The following RAB8B variants were observed in gnomAD, a reference collection of about 807,000 sequenced individuals.
The protein encoded by RAB8B is RAB8B, member RAS oncogene family.
Under a neutral mutation model 32.0 loss-of-function variants are expected in RAB8B, and 11 were observed. That is an observed-to-expected ratio of 0.34 (90% CI 0.22 to 0.57). The LOEUF (loss-of-function observed/expected upper bound fraction) is 0.57, where lower values mean the gene tolerates loss of function less well. Ranked by LOEUF, RAB8B falls within the 20% of genes least tolerant of loss-of-function variation. The pLI, the probability that RAB8B is intolerant of heterozygous loss-of-function variation, is 0.86. For synonymous variants in RAB8B, 103 were observed against 89.6 expected (o/e 1.15, Z -0.85); for missense variants, 190 against 258.5 (o/e 0.73, Z 1.82).
At chr15:63,243,090 T>A (rs1225165745) in intron 1 of RAB8B, among the ~76,000 whole-genome samples, 1 of 152,068 alleles carries the variant, frequency 6.6e-6, no homozygotes, top group Non-Finnish European at 1.5e-5. Flanking sequence ...CTCATAGGAG[T>A]GCACAACCTA....
At chr15:63,204,301 C>G (rs1450522192) in intron 1 of RAB8B, among the ~76,000 whole-genome samples, 1 of 152,146 alleles carries the variant, frequency 6.6e-6, no homozygotes, top group African/African-American at 2.4e-5. Flanking sequence ...TGATTATCCC[C>G]TACATCAGCG....
chr15:63,253,865 T>A (rs2038137935), intron 3 of RAB8B, among the ~76,000 whole-genome samples: 1 of 152,192 alleles, frequency 6.6e-6, no homozygotes, highest in Non-Finnish European at 1.5e-5. Context: ...GTGCTTGGGC[T>A]GGCTGACTGG....
At chr15:63,191,192 A>G (rs1359704123) in intron 1 of RAB8B, among the ~76,000 whole-genome samples, 1 of 152,242 alleles carries the variant, frequency 6.6e-6, no homozygotes, top group African/African-American at 2.4e-5. Context: ...TGGTTCTTAC[A>G]GCATATTTCA....
Position 63,259,610 on chromosome 15 carries a change from T to C in RAB8B, c.415-17T>C, listed in dbSNP as rs1185295757. On this transcript the variant is annotated splice_polypyrimidine_tract_variant and intron_variant, in intron 5 of 7. Coordinates refer to ENST00000321437, the MANE Select transcript of RAB8B (RefSeq NM_016530.3). This position sits in a 1 kb window ranked among gnomAD's most constrained non-coding sequence, Gnocchi z 4.4. ...AGTATCTTTTGCTAAATTTAAATAT[T>C]TCTGTTTACTTTTCAGCTAGCAATT... is the stretch of plus-strand genomic sequence containing the variant. The C allele has an allele frequency of 1.2e-6, 2 of 1,606,310 alleles. No homozygotes were observed. Among genetic ancestry groups the C allele is most frequent in the Admixed American group, 3.3e-5 (2 of 59,980 alleles).
Position 63,263,764 on chromosome 15 carries a change from G to T in RAB8B, c.*145G>T. ...TAGACCTCTCAACACAGTATGCCAA[G>T]TGGATTCCAGCCTCATGGCCTAGCA... On this transcript the variant is annotated 3_prime_UTR_variant, in exon 8 of 8. Coordinates refer to ENST00000321437, the MANE Select transcript of RAB8B (RefSeq NM_016530.3). The T allele has an allele frequency of 1.8e-6, 1 of 566,414 alleles. No homozygotes were observed. 35.1% of individuals were successfully genotyped at this position (566,414 alleles called of 1,614,324 possible). A position where few individuals can be genotyped will look rare whatever the true frequency, so the allele number is the denominator to read the frequency against.
At chr15:63,236,642 G>T (rs1436504158) in intron 1 of RAB8B, among the ~76,000 whole-genome samples, 1 of 152,144 alleles carries the variant, frequency 6.6e-6, no homozygotes, top group Non-Finnish European at 1.5e-5. Flanking sequence ...CATAGTAGAT[G>T]TATATATTTA....
At chr15:63,251,102 C>T (rs2038113691) in intron 3 of RAB8B, among the ~76,000 whole-genome samples, 1 of 151,892 alleles carries the variant, frequency 6.6e-6, no homozygotes, top group Non-Finnish European at 1.5e-5. Context: ...TACCACTAAC[C>T]ATTTTATGTG....
chr15:63,249,823 G>A (rs1427136779), intron 3 of RAB8B, 118 bp downstream of exon 3: 11 of 1,108,582 alleles, frequency 9.9e-6, no homozygotes, highest in Admixed American at 2.5e-5. Flanking sequence ...ATTTTCTGAT[G>A]GGGAAACAAG....
chr15:63,211,334 G>T (rs2037745027), intron 1 of RAB8B, among the ~76,000 whole-genome samples: 4 of 152,168 alleles, frequency 2.6e-5, no homozygotes, highest in South Asian at 2.1e-4. Flanking sequence ...GTGAATTCTT[G>T]TCCCTTTCTG....
chr15:63,259,532 C>T lies in RAB8B; in HGVS notation c.415-95C>T. ...ACCACAGGAGTTCTGAAATAGATAC[C>T]CTACCTTTGAGACTTTGAAAAACCT... is the stretch of plus-strand genomic sequence containing the variant. On this transcript the variant is annotated intron_variant, in intron 5 of 7. Coordinates refer to ENST00000321437, the MANE Select transcript of RAB8B (RefSeq NM_016530.3). This position sits in a 1 kb window ranked among gnomAD's most constrained non-coding sequence, Gnocchi z 4.4. The T allele has an allele frequency of 1.9e-6, 2 of 1,042,346 alleles. No homozygotes were observed. Among genetic ancestry groups the T allele is most frequent in the Non-Finnish European group, 2.9e-6 (2 of 695,420 alleles). The allele number at this position is 1,042,346 out of a possible 1,614,324, so 64.6% of individuals were successfully genotyped here.
intron 1 of RAB8B, among the ~76,000 whole-genome samples, chr15:63,217,335 A>G (rs756051053): frequency 5.9e-5 from 9 of 152,198 alleles, no homozygotes; most frequent in Non-Finnish European, 1.2e-4. Flanking sequence ...TATTGAATGG[A>G]ATATGGGGTT....
intron 1 of RAB8B, among the ~76,000 whole-genome samples, chr15:63,218,428 T>G (rs1055977813): frequency 6.6e-6 from 1 of 152,222 alleles, no homozygotes; most frequent in African/African-American, 2.4e-5. Context: ...TGAGCAGGGA[T>G]CTCAGGAGAG....
rs71131152 is a variant in RAB8B at position 63,219,004 on chromosome 15, A to ATTTTTTTTT, written c.125-25731_125-25723dup. On this transcript the variant is annotated intron_variant, in intron 1 of 7. Coordinates refer to ENST00000321437, the MANE Select transcript of RAB8B (RefSeq NM_016530.3). ...AAATGATCTTTTCTTCCAGCAGTGG[A>ATTTTTTTTT]TTTTTTTTTTTTTTTTTTTTTTTTT... is the stretch of plus-strand genomic sequence containing the variant. Among the ~76,000 whole-genome samples the ATTTTTTTTT allele has an allele frequency of 9.2e-4, 87 of 94,660 alleles. 12 individuals are homozygous for ATTTTTTTTT. The highest frequency in any genetic ancestry group is 1.2e-3 in the Non-Finnish European group (61 of 50,504). 62.1% of individuals were successfully genotyped at this position (94,660 alleles called of 152,430 possible).
chr15:63,257,145 G>A (rs905283555), intron 5 of RAB8B, among the ~76,000 whole-genome samples: 2 of 152,008 alleles, frequency 1.3e-5, no homozygotes, highest in Non-Finnish European at 2.9e-5. Context: ...GGAATATTTT[G>A]TGTACATATT....
chr15:63,266,696 G>A lies in RAB8B; in HGVS notation c.*3077G>A, dbSNP rs2038250864. On this transcript the variant is annotated 3_prime_UTR_variant, in exon 8 of 8. Coordinates refer to ENST00000321437, the MANE Select transcript of RAB8B (RefSeq NM_016530.3). Reference sequence around the variant, plus strand: ...TAGAGCATACATGTCATATCCAGTAGCATAAAAAAAGTATTATCTCCCTGT... The same window carrying A: ...TAGAGCATACATGTCATATCCAGTAACATAAAAAAAGTATTATCTCCCTGT... 6.6e-6 allele frequency: 1 copy of A among 152,402 alleles called. No homozygotes were observed. Among genetic ancestry groups the A allele is most frequent in the South Asian group, 2.1e-4 (1 of 4,822 alleles). The allele number at this position is 152,402 out of a possible 1,614,324, so 9.4% of individuals were successfully genotyped here.
chr15:63,218,394 A>G (rs1484499639), intron 1 of RAB8B, among the ~76,000 whole-genome samples: 1 of 152,214 alleles, frequency 6.6e-6, no homozygotes, highest in African/African-American at 2.4e-5. Context: ...CTATCCCATT[A>G]TAGCTGTCAG....
chr15:63,213,144 G>A (rs746369449), intron 1 of RAB8B, among the ~76,000 whole-genome samples: 21 of 152,168 alleles, frequency 1.4e-4, no homozygotes, highest in Non-Finnish European at 2.2e-4. Flanking sequence ...GACAATTTCA[G>A]CTTGTACACA....
chr15:63,259,323 G>A lies in RAB8B; in HGVS notation c.415-304G>A, dbSNP rs1433082064. On this transcript the variant is annotated intron_variant, in intron 5 of 7. Coordinates refer to ENST00000321437, the MANE Select transcript of RAB8B (RefSeq NM_016530.3). The surrounding 1 kb of genome is among the most constrained non-coding windows in gnomAD (Gnocchi z 4.4). ...TTTAGTAGAGGCGGGGTTTCATCAT[G>A]TTAGCAAGGAGGGTCTCGATCTCCT... 6.6e-6 allele frequency among the ~76,000 whole-genome samples: 1 copy of A among 151,928 alleles called. No homozygotes were observed.
intron 1 of RAB8B, among the ~76,000 whole-genome samples, chr15:63,202,089 T>TAAAAAAAAA (rs146981058): frequency 1.3e-4 from 11 of 85,740 alleles, no homozygotes; most frequent in African/African-American, 1.9e-4. Context: ...CCGTCTCTAC[T>TAAAAAAAAA]AAAAAAAAAA....
Sources: gnomAD v4.1 joint callset for allele counts (sites outside exome capture counted in the v4.1 genomes callset) on GRCh38, gnomAD v4.1.1 for gene constraint, Gnocchi (gnomAD v3.1) non-coding constraint, MANE v1.5 for transcripts, NCBI Gene and HGNC (gene_info 2026-07-23, HGNC 2026-07-21) for gene names.